Variants in PDGFD observed in about 807,000 individuals in gnomAD.
PDGFD encodes the protein platelet-derived growth factor D.
Under a neutral mutation model 44.7 loss-of-function variants are expected in PDGFD, and 30 were observed. The ratio of observed to expected loss-of-function variants is 0.67; its 90% CI spans 0.50 to 0.91. PDGFD has a LOEUF of 0.91. Among genes scored for constraint, PDGFD ranks in the 40% least tolerant of loss-of-function variants. The pLI is 0.00. For missense variants in PDGFD, 445 were observed against 457.8 expected (o/e 0.97, Z 0.25); for synonymous variants, 173 against 168.4 (o/e 1.03, Z -0.21).
At chr11:104,038,169 T>G in intron 1 of PDGFD, 1 of 743,628 alleles carries the variant, frequency 1.3e-6, no homozygotes, top group Non-Finnish European at 2.2e-6. Context: ...ACGTCAATCC[T>G]GATTCCTTGG....
chr11:104,156,994 TCA>T (rs1261128181), intron 1 of PDGFD, among the ~76,000 whole-genome samples: 1 of 152,154 alleles, frequency 6.6e-6, no homozygotes, highest in Non-Finnish European at 1.5e-5. Flanking sequence ...AAACCATCCC[TCA>T]CATAGAAGTG....
chr11:104,016,145 T>C (rs1299017834), intron 1 of PDGFD, among the ~76,000 whole-genome samples: 3 of 152,152 alleles, frequency 2.0e-5, no homozygotes, highest in Admixed American at 6.6e-5. Flanking sequence ...CAAACTAAAA[T>C]TGACTGAGAC....
At chr11:103,943,243 AAGGG>A in intron 5 of PDGFD, among the ~76,000 whole-genome samples, 1 of 152,266 alleles carries the variant, frequency 6.6e-6, no homozygotes, top group African/African-American at 2.4e-5. Flanking sequence ...ATGATTCTCA[AAGGG>A]AATGCTCACT....
At chr11:104,009,326 G>T (rs562933908) in intron 1 of PDGFD, among the ~76,000 whole-genome samples, 1 of 152,054 alleles carries the variant, frequency 6.6e-6, no homozygotes, top group South Asian at 2.1e-4. Context: ...ATACAAAATC[G>T]GTGACTGACT....
intron 3 of PDGFD, among the ~76,000 whole-genome samples, chr11:103,969,615 T>G (rs1287272816): frequency 6.6e-6 from 1 of 151,812 alleles, no homozygotes; most frequent in Non-Finnish European, 1.5e-5. Context: ...TTTTGTCCTG[T>G]GATATGTTAG....
chr11:104,125,373 T>C (rs1287025330), intron 1 of PDGFD, among the ~76,000 whole-genome samples: 1 of 152,094 alleles, frequency 6.6e-6, no homozygotes, highest in African/African-American at 2.4e-5. Flanking sequence ...ACAATACATA[T>C]AAAGGGCTTC....
At chr11:104,106,536 T>G (rs1565336679) in intron 1 of PDGFD, among the ~76,000 whole-genome samples, 1 of 152,056 alleles carries the variant, frequency 6.6e-6, no homozygotes, top group Non-Finnish European at 1.5e-5. Flanking sequence ...AGACAAAAAG[T>G]CCACATTCAT....
intron 3 of PDGFD, among the ~76,000 whole-genome samples, chr11:103,964,490 C>T (rs1407361663): frequency 6.6e-6 from 1 of 152,170 alleles, no homozygotes; most frequent in East Asian, 1.9e-4. Context: ...TGTCTCCTGC[C>T]TTAGTCCAGA....
chr11:104,003,275 C>A (rs1273178311), intron 1 of PDGFD, among the ~76,000 whole-genome samples: 2 of 152,168 alleles, frequency 1.3e-5, no homozygotes, highest in Non-Finnish European at 2.9e-5. Flanking sequence ...CCAAGTGAGA[C>A]ATAAGAGGCT....
chr11:103,944,389 A>G (rs1309800828), intron 4 of PDGFD, among the ~76,000 whole-genome samples: 3 of 152,306 alleles, frequency 2.0e-5, no homozygotes, highest in Admixed American at 2.0e-4. Context: ...CATGGAATAC[A>G]TGGCACATGA....
At chr11:104,099,526 G>A (rs1861337335) in intron 1 of PDGFD, among the ~76,000 whole-genome samples, 1 of 151,802 alleles carries the variant, frequency 6.6e-6, no homozygotes, top group African/African-American at 2.4e-5. Context: ...TAGCTACTCT[G>A]GAGGCTAAGG....
At chr11:104,158,267 C>T (rs1055339978) in intron 1 of PDGFD, among the ~76,000 whole-genome samples, 4 of 152,206 alleles carry the variant, frequency 2.6e-5, no homozygotes, top group African/African-American at 9.7e-5. Flanking sequence ...TGGAGCTATT[C>T]TGTTGAAGAA....
chr11:104,028,377 C>T (rs1171630175), intron 1 of PDGFD, among the ~76,000 whole-genome samples: 1 of 151,404 alleles, frequency 6.6e-6, no homozygotes, highest in Non-Finnish European at 1.5e-5. Flanking sequence ...TATATCCATC[C>T]CTACGAACAC....
At chr11:103,919,403 T>G (rs1390567431) in intron 6 of PDGFD, among the ~76,000 whole-genome samples, 4 of 151,796 alleles carry the variant, frequency 2.6e-5, no homozygotes. Context: ...TAAGGCCTTG[T>G]AACAGTTCTC....
intron 1 of PDGFD, among the ~76,000 whole-genome samples, chr11:104,112,948 TA>T (rs950321935): frequency 2.6e-5 from 4 of 152,034 alleles, no homozygotes; most frequent in Non-Finnish European, 5.9e-5. Context: ...AATACCTGGG[TA>T]AAAAATAATC....
chr11:104,163,155 T>C (rs905565364), intron 1 of PDGFD, among the ~76,000 whole-genome samples: 3 of 152,080 alleles, frequency 2.0e-5, no homozygotes, highest in African/African-American at 7.2e-5. Context: ...GGTGCCCCTG[T>C]GGTACTGATG....
rs546160234 is a variant in PDGFD, at chr11:104,046,205, T to C, written c.125-45950A>G. On this transcript the variant is annotated intron_variant, in intron 1 of 6. Coordinates refer to ENST00000393158, the MANE Select transcript of PDGFD (RefSeq NM_025208.5). ...AGCACAAAGAAGTTGATGACATCAA[T>C]TGGACATCAGAAGCAGATACAAGGC... Among the ~76,000 whole-genome samples the C allele has an allele frequency of 6.7e-4, 99 of 147,934 alleles. 10 individuals are homozygous for C. Among genetic ancestry groups the C allele is most frequent in the African/African-American group, 2.2e-3 (90 of 40,722 alleles).
chr11:104,051,508 CCAA>C (rs1860536514), intron 1 of PDGFD, among the ~76,000 whole-genome samples: 1 of 152,078 alleles, frequency 6.6e-6, no homozygotes, highest in African/African-American at 2.4e-5. Flanking sequence ...CTGCAAGCTT[CCAA>C]CATCCCAGAA....
At chr11:104,019,630 C>T (rs1415312571) in intron 1 of PDGFD, among the ~76,000 whole-genome samples, 6 of 152,078 alleles carry the variant, frequency 3.9e-5, no homozygotes, top group Non-Finnish European at 7.4e-5. Context: ...TGAGCGCCAA[C>T]TCCAAAAATG....
Sources: allele counts gnomAD v4.1 joint callset (sites outside exome capture counted in the v4.1 genomes callset), GRCh38; gene constraint gnomAD v4.1.1; transcripts MANE v1.5; gene names NCBI Gene and HGNC (gene_info 2026-07-23, HGNC 2026-07-21).